The following MPDZ variants were observed in gnomAD, a reference collection of about 807,000 sequenced individuals.
The protein encoded by MPDZ is multiple PDZ domain crumbs cell polarity complex component.
MPDZ carries 234 observed loss-of-function variants against 239.1 expected under a neutral mutation model. The ratio of observed to expected loss-of-function variants is 0.98; its 90% CI spans 0.88 to 1.09. MPDZ has a LOEUF of 1.09. MPDZ is among the 50% of genes least tolerant of loss of function. The pLI, the probability that MPDZ is intolerant of heterozygous loss-of-function variation, is 0.00. For missense variants in MPDZ, 3,175 were observed against 2,510.0 expected (o/e 1.26, Z -5.66); for synonymous variants, 1,048 against 881.3 (o/e 1.19, Z -3.35).
Position 13,136,149 on chromosome 9 carries a change from A to G in MPDZ, c.4326T>C (p.Cys1442=), listed in dbSNP as rs1563875702. 5.6e-6 allele frequency: 9 copies of G among 1,613,056 alleles called. No individual in the cohort carries two copies. The highest frequency in any genetic ancestry group is 7.6e-6 in the Non-Finnish European group (9 of 1,179,426). Residue 1442 remains cysteine, a synonymous_variant, in exon 31 of 47, where the codon TGT becomes TGC. Coordinates refer to ENST00000319217, the MANE Select transcript of MPDZ (RefSeq NM_001378778.1). ...NKDAVNQMAV[C]PGNAVEPLPS... ...GCAAAGGTTCTACTGCATTTCCAGG[A>G]CATACGGCCATCTGATTCACTGCAT...
chr9:13,167,881 G>A (rs1951278721), intron 22 of MPDZ, among the ~76,000 whole-genome samples: 2 of 152,054 alleles, frequency 1.3e-5, no homozygotes, highest in Admixed American at 1.3e-4. Flanking sequence ...TCTATCCCCT[G>A]GGGTCATGAG....
In MPDZ at chr9:13,147,698, T is replaced by C. The variant is rs772198399; in HGVS notation, c.3631-40A>G. The C allele has an allele frequency of 1.1e-5, 17 of 1,483,124 alleles. 1 individual carries two copies. Among genetic ancestry groups the C allele is most frequent in the South Asian group, 7.0e-5 (6 of 85,778 alleles). The allele number at this position is 1,483,124 out of a possible 1,614,324, so 91.9% of individuals were successfully genotyped here. On this transcript the variant is annotated intron_variant, in intron 25 of 46. Transcript: ENST00000319217. ...CTCAGCTTAACATTTCAAGAATCTA[T>C]AGAACAACAAAAAAATGTGTGGATA...
intron 1 of MPDZ, among the ~76,000 whole-genome samples, chr9:13,250,964 G>A (rs1335625974): frequency 2.0e-5 from 3 of 151,162 alleles, no homozygotes; most frequent in East Asian, 2.0e-4. Context: ...CCCCGTCTCT[G>A]CTACAAATAC....
At chr9:13,266,331 T>G (rs1182817622) in intron 1 of MPDZ, among the ~76,000 whole-genome samples, 2 of 152,204 alleles carry the variant, frequency 1.3e-5, no homozygotes, top group Non-Finnish European at 2.9e-5. Context: ...TTTTCTCTCC[T>G]GTACTGTGCT....
chr9:13,266,330 C>T (rs1382977719), intron 1 of MPDZ, among the ~76,000 whole-genome samples: 1 of 152,194 alleles, frequency 6.6e-6, no homozygotes, highest in African/African-American at 2.4e-5. Context: ...TTTTTCTCTC[C>T]TGTACTGTGC....
rs144068151 is a variant in MPDZ at position 13,199,616 on chromosome 9, C to T, written c.1547-3386G>A. ...AAAAGTCTTTGGACTTTTCTCTGTT[C>T]GGTATATTAGCTGTGGATTTTTCAT... On this transcript the variant is annotated intron_variant, in intron 12 of 46. Transcript: ENST00000319217. Among the ~76,000 whole-genome samples, 30 of 151,868 alleles carry T rather than the reference C, an allele frequency of 2.0e-4. No homozygotes were observed. The East Asian group carries it at 3.5e-3, about 18-fold the overall frequency.
rs531193658 is a variant in MPDZ at position 13,118,124 on chromosome 9, A to T, written c.5379+1378T>A. Among the ~76,000 whole-genome samples the T allele has an allele frequency of 2.6e-5, 4 of 152,308 alleles. No homozygotes were observed. In the East Asian group the frequency reaches 5.8e-4, roughly 22 times the overall value. On this transcript the variant is annotated intron_variant, in intron 39 of 46. Transcript: ENST00000319217. ...CTCCCAAAGTGTTGGGATTACAGGC[A>T]TGAGCCACCACACCTGGTGAGACTA...
chr9:13,218,147 C>A (rs779246073), intron 8 of MPDZ, among the ~76,000 whole-genome samples: 1 of 151,746 alleles, frequency 6.6e-6, no homozygotes, highest in Non-Finnish European at 1.5e-5. Flanking sequence ...CTCTGACAGT[C>A]CACTTAAATG....
rs199678230 is a variant in MPDZ at position 13,136,139 on chromosome 9, C to G, written c.4336G>C (p.Ala1446Pro). The change falls in exon 31 of 47, where the codon GCA (alanine) becomes CCA (proline). Residue 1446 changes from alanine (A) to proline (P), a missense_variant. Coordinates refer to ENST00000319217, the MANE Select transcript of MPDZ (RefSeq NM_001378778.1). Reference protein sequence around the residue: ...VNQMAVCPGNAVEPLPSNSEN... With the variant: ...VNQMAVCPGNPVEPLPSNSEN... ...GAGTTAGAAGGCAAAGGTTCTACTG[C>G]ATTTCCAGGACATACGGCCATCTGA... 138 of 1,613,050 alleles carry G rather than the reference C, an allele frequency of 8.6e-5. 1 individual carries two copies. The African/African-American group carries it at 1.6e-3, about 18-fold the overall frequency.
rs762053924 is a variant in MPDZ, at chr9:13,176,151, G to A, written c.2916C>T (p.Pro972=). The A allele has an allele frequency of 3.1e-6, 5 of 1,598,028 alleles. No homozygotes were observed. The highest frequency in any genetic ancestry group is 4.5e-5 in the East Asian group (2 of 44,334). ...AAAATATTACCTTTCCAGCTGAATC[G>A]GGTAGCACAGAAGGAAGTTCTGCAC... ...ISSAELPSVL[P]DSAGKGSEYL... is the part of the protein sequence containing the mutation. Residue 972 remains proline, a synonymous_variant, in exon 20 of 47, where the codon CCC becomes CCT. Transcript: ENST00000319217.
chr9:13,257,125 G>C (rs1209550842), intron 1 of MPDZ, among the ~76,000 whole-genome samples: 1 of 152,086 alleles, frequency 6.6e-6, no homozygotes, highest in African/African-American at 2.4e-5. Context: ...ATCACTATTT[G>C]GTTATAACTG....
Position 13,222,246 on chromosome 9 carries a change from G to C in MPDZ, c.734C>G (p.Ala245Gly), listed in dbSNP as rs2136302060. 6.2e-7 allele frequency: 1 copy of C among 1,612,344 alleles called. No individual in the cohort carries two copies. The highest frequency in any genetic ancestry group is 8.5e-7 in the Non-Finnish European group (1 of 1,178,934). ...RSPSAASTIS[A>G]HSNPVHWQHM... is the part of the protein sequence containing the mutation. ...TTAGGTACTCACCGGATTAGAGTGA[G>C]CTGAAATTGTGCTGGCTGCAGATGG... The change falls in exon 6 of 47, where the codon GCT becomes GGT. Residue 245 changes from alanine to glycine, a missense_variant. Physicochemically the swap from Ala to Gly is moderately conservative, Grantham distance 60 (BLOSUM62 0). Coordinates refer to ENST00000319217, the MANE Select transcript of MPDZ (RefSeq NM_001378778.1).
rs547211064 is a variant in MPDZ at position 13,224,587 on chromosome 9, A to C, written c.184-4T>G. The C allele has an allele frequency of 6.3e-7, 1 of 1,576,376 alleles. No homozygotes were observed. The highest frequency in any genetic ancestry group is 2.3e-5 in the East Asian group (1 of 44,374). On this transcript the variant is annotated splice_polypyrimidine_tract_variant and splice_region_variant and intron_variant, in intron 3 of 46. Transcript: ENST00000319217. ...TTGCTGAAGTTGCAATATTTACCTA[A>C]GAGTAATGCAGGGATTATTAAGAAT...
At chr9:13,277,969 T>C (rs1212633203) in intron 1 of MPDZ, among the ~76,000 whole-genome samples, 1 of 152,206 alleles carries the variant, frequency 6.6e-6, no homozygotes, top group Non-Finnish European at 1.5e-5. Flanking sequence ...AAGATGTTCA[T>C]TGTAATCACT....
intron 33 of MPDZ, 22 bp downstream of exon 33, chr9:13,126,658 C>A (rs1304221221): frequency 6.2e-7 from 1 of 1,612,754 alleles, no homozygotes; most frequent in Non-Finnish European, 8.5e-7. Context: ...TACTTAATGA[C>A]AGCAAGAAAG....
At chr9:13,170,005 G>A (rs1203371220) in intron 21 of MPDZ, among the ~76,000 whole-genome samples, 3 of 151,920 alleles carry the variant, frequency 2.0e-5, no homozygotes, top group East Asian at 1.9e-4. Flanking sequence ...CATTCTATTC[G>A]TTGAAAAATA....
intron 32 of MPDZ, among the ~76,000 whole-genome samples, chr9:13,128,055 T>C (rs1945376553): frequency 6.6e-6 from 1 of 152,174 alleles, no homozygotes; most frequent in African/African-American, 2.4e-5. Context: ...TTTATTAGAA[T>C]ATCTAGCCTT....
In MPDZ at chr9:13,126,866, T is replaced by A. The variant is rs907570413; in HGVS notation, c.4465-94A>T. On this transcript the variant is annotated intron_variant, in intron 32 of 46. Coordinates refer to ENST00000319217, the MANE Select transcript of MPDZ (RefSeq NM_001378778.1). ...GGGTAAGAAAAACAACTAAAACTCT[T>A]CTGAAGTCCAGAAATCTAAGACCTT... 7 of 998,980 alleles carry A rather than the reference T, an allele frequency of 7.0e-6. No individual in the cohort carries two copies. In the African/African-American group the frequency reaches 1.1e-4, roughly 16 times the overall value. The allele number at this position is 998,980 out of a possible 1,614,324, so 61.9% of individuals were successfully genotyped here. A position where few individuals can be genotyped will look rare whatever the true frequency, so the allele number is the denominator to read the frequency against.
At position 13,161,274 on chromosome 9, in the gene MPDZ, G is replaced by T. The variant is rs534315323; in HGVS notation, c.3359+1417C>A. 2.3e-3 allele frequency among the ~76,000 whole-genome samples: 355 copies of T among 152,150 alleles called. 2 individuals carry two copies. Among genetic ancestry groups the T allele is most frequent in the African/African-American group, 8.3e-3 (343 of 41,546 alleles). On this transcript the variant is annotated intron_variant, in intron 23 of 46. Transcript: ENST00000319217. ...CTGGGATGTTCTGACATCCTCTAAA[G>T]AATGGTACAACTCGACCAGGCATGG...
Sources: allele counts gnomAD v4.1 joint callset (sites outside exome capture counted in the v4.1 genomes callset), GRCh38; gene constraint gnomAD v4.1.1; transcripts MANE v1.5; gene names NCBI Gene and HGNC (gene_info 2026-07-23, HGNC 2026-07-21).